The following CAPN15 variants were observed in gnomAD, a reference collection of about 807,000 sequenced individuals.
The protein encoded by CAPN15 is calpain 15, also known as calpain-15.
A neutral mutation model predicts 97.9 loss-of-function variants in CAPN15; 53 were observed. The ratio of observed to expected loss-of-function variants is 0.54; its 90% CI spans 0.43 to 0.68. CAPN15 has a LOEUF of 0.68. Among genes scored for constraint, CAPN15 ranks in the 30% least tolerant of loss-of-function variants. The pLI is 0.00. For synonymous variants in CAPN15, 922 were observed against 722.5 expected (o/e 1.28, Z -4.43); for missense variants, 1,592 against 1,589.8 (o/e 1.00, Z -0.02).
At position 546,996 on chromosome 16, in the gene CAPN15, G is replaced by A; in HGVS notation, c.158G>A (p.Cys53Tyr). Residue 53 changes from cysteine (C) to tyrosine (Y), a missense_variant, in exon 4 of 14, where the codon TGC (cysteine) becomes TAC (tyrosine). Physicochemically the swap from Cys to Tyr is radical, Grantham distance 194 (BLOSUM62 -2). Transcript: ENST00000219611. ...VEEQKWPCAR[C>Y]TFRNFLGKEA... The stretch of plus-strand genomic sequence containing the variant: ...GAGCAGAAATGGCCCTGCGCCCGCT[G>A]CACCTTCCGCAACTTCCTGGGCAAG... 1 of 1,610,040 alleles carries A rather than the reference G, an allele frequency of 6.2e-7. No homozygotes were observed.
Position 553,576 on chromosome 16 carries a change from A to C in CAPN15, c.*60A>C. On this transcript the variant is annotated 3_prime_UTR_variant, in exon 14 of 14. Coordinates refer to ENST00000219611, the MANE Select transcript of CAPN15 (RefSeq NM_005632.3). ...GACCCCCCACCCCCACACGCACTTTATGAGGGAGACCCCGACAGAGGACGC... is the reference window on the plus strand; with the variant it reads ...GACCCCCCACCCCCACACGCACTTTCTGAGGGAGACCCCGACAGAGGACGC... 1.9e-6 allele frequency: 2 copies of C among 1,035,550 alleles called. No homozygotes were observed. Among genetic ancestry groups the C allele is most frequent in the Non-Finnish European group, 2.8e-6 (2 of 719,086 alleles). The allele number at this position is 1,035,550 out of a possible 1,614,324, so 64.1% of individuals were successfully genotyped here.
chr16:548,990 C>T lies in CAPN15; in HGVS notation c.1450-3C>T, dbSNP rs2034802422. 6.2e-7 allele frequency: 1 copy of T among 1,612,458 alleles called. No individual in the cohort carries two copies. The highest frequency in any genetic ancestry group is 8.5e-7 in the Non-Finnish European group (1 of 1,179,866). On this transcript the variant is annotated splice_polypyrimidine_tract_variant and splice_region_variant and intron_variant, in intron 4 of 13. Coordinates refer to ENST00000219611, the MANE Select transcript of CAPN15 (RefSeq NM_005632.3). ...CCTGAGCACATGGCCGTGGTCTCTG[C>T]AGAACAATGTGAGCTTCGTGGATGA...
At chr16:528,155 C>G (rs960301108) in intron 1 of CAPN15, 126 bp downstream of exon 1, 24 of 150,656 alleles carry the variant, frequency 1.6e-4, no homozygotes, top group African/African-American at 2.4e-5. Flanking sequence ...GCCGGGCGCG[C>G]CGGGCTCCGA....
intron 13 of CAPN15, 49 bp downstream of exon 13, chr16:553,090 C>G: frequency 8.9e-7 from 1 of 1,125,748 alleles, no homozygotes; most frequent in Non-Finnish European, 1.2e-6. Context: ...GCCCCCTCCC[C>G]TACCCCGCTG....
intron 3 of CAPN15, among the ~76,000 whole-genome samples, chr16:546,202 CTT>C (rs1222828773): frequency 2.6e-5 from 4 of 152,388 alleles, no homozygotes; most frequent in Admixed American, 6.5e-5. Flanking sequence ...CTCGCGGAGA[CTT>C]TTTGTTTTTG....
intron 3 of CAPN15, chr16:537,044 C>T (rs748012002): frequency 2.7e-5 from 18 of 672,412 alleles, no homozygotes; most frequent in Non-Finnish European, 3.1e-5. Flanking sequence ...CTCTGGAGAT[C>T]CCCTGGCGTG....
chr16:531,019 G>A (rs1231894665), intron 1 of CAPN15, among the ~76,000 whole-genome samples: 1 of 152,180 alleles, frequency 6.6e-6, no homozygotes, highest in East Asian at 1.9e-4. Flanking sequence ...TGCCATCCCC[G>A]CCTCCCTGGC....
rs1204325025 is a variant in CAPN15 at position 554,007 on chromosome 16, CTGGTG to C, written c.*495_*499del. 5.6e-6 allele frequency: 1 copy of C among 179,604 alleles called. No individual in the cohort carries two copies. Among genetic ancestry groups the C allele is most frequent in the Non-Finnish European group, 1.2e-5 (1 of 86,202 alleles). 11.1% of individuals were successfully genotyped at this position (179,604 alleles called of 1,614,324 possible). ...CAGGGCAGGCGGGGTCCCTGGAGCC[CTGGTG>C]TGGAGCGGCGAGTCCCGGGGCGGTG... On this transcript the variant is annotated 3_prime_UTR_variant, in exon 14 of 14. Transcript: ENST00000219611.
chr16:544,438 G>A (rs972097472), intron 3 of CAPN15, among the ~76,000 whole-genome samples: 12 of 152,190 alleles, frequency 7.9e-5, no homozygotes, highest in African/African-American at 2.2e-4. Flanking sequence ...GAAAGGGGCC[G>A]CCTCCCAGGA....
In CAPN15 at chr16:529,082, C is replaced by T. The variant is rs1272008413; in HGVS notation, c.-190+1053C>T. On this transcript the variant is annotated intron_variant, in intron 1 of 13. Coordinates refer to ENST00000219611, the MANE Select transcript of CAPN15 (RefSeq NM_005632.3). ...CTGCAGGAAACCAGCTTGGCCTGGCCTTGGGTTGGGTGTGCCTTGCCTCCT... is the reference window on the plus strand; with the variant it reads ...CTGCAGGAAACCAGCTTGGCCTGGCTTTGGGTTGGGTGTGCCTTGCCTCCT... Among the ~76,000 whole-genome samples, 4 of 152,240 alleles carry T rather than the reference C, an allele frequency of 2.6e-5. No individual in the cohort carries two copies. In the East Asian group the frequency reaches 7.7e-4, roughly 29 times the overall value.
Position 553,778 on chromosome 16 carries a change from T to A in CAPN15, c.*262T>A. 5 of 349,480 alleles carry A rather than the reference T, an allele frequency of 1.4e-5. No individual in the cohort carries two copies. Among genetic ancestry groups the A allele is most frequent in the Non-Finnish European group, 1.6e-5 (3 of 192,284 alleles). The allele number at this position is 349,480 out of a possible 1,614,324, so 21.6% of individuals were successfully genotyped here. ...GGGCTGTGAACCAGCCCCGCTCACC[T>A]GCCAGCCCCAACACCCGACGGGGGC... On this transcript the variant is annotated 3_prime_UTR_variant, in exon 14 of 14. Coordinates refer to ENST00000219611, the MANE Select transcript of CAPN15 (RefSeq NM_005632.3).
Position 549,288 on chromosome 16 carries a change from G to T in CAPN15, c.1659G>T (p.Trp553Cys). ...DILQGLLGNC[W>C]FLSALAVLAE... ...GAGGTCACCCTGAGGCTCTGCGCAG[G>T]TTCCTGAGCGCCCTGGCGGTGCTGG... Residue 553 changes from tryptophan (W) to cysteine (C), a missense_variant and splice_region_variant, in exon 6 of 14, where the codon TGG (tryptophan) becomes TGT (cysteine). Trp to Cys is a radical substitution (Grantham distance 215, BLOSUM62 -2). Coordinates refer to ENST00000219611, the MANE Select transcript of CAPN15 (RefSeq NM_005632.3). The T allele has an allele frequency of 4.4e-6, 7 of 1,584,252 alleles. No individual in the cohort carries two copies. The highest frequency in any genetic ancestry group is 6.0e-6 in the Non-Finnish European group (7 of 1,172,164).
At position 552,738 on chromosome 16, in the gene CAPN15, CCTG is replaced by C; in HGVS notation, c.2874_2876del (p.Leu959del). On this transcript the variant is annotated inframe_deletion, in exon 12 of 14. Coordinates refer to ENST00000219611, the MANE Select transcript of CAPN15 (RefSeq NM_005632.3). The surrounding 1 kb of genome is among the most constrained non-coding windows in gnomAD (Gnocchi z 6.4). Reference sequence around the variant, plus strand: ...CGACCACGCTGGCCGACGCCATCATCCTGCTCACCGAGAGCCGCGGAGAGCGGC... The same window carrying C: ...CGACCACGCTGGCCGACGCCATCATCCTCACCGAGAGCCGCGGAGAGCGGC... 1 of 1,544,400 alleles carries C rather than the reference CCTG, an allele frequency of 6.5e-7. No homozygotes were observed. The highest frequency in any genetic ancestry group is 8.7e-7 in the Non-Finnish European group (1 of 1,145,434).
intron 9 of CAPN15, 179 bp downstream of exon 9, chr16:551,843 C>A: frequency 1.0e-6 from 1 of 979,548 alleles, no homozygotes; most frequent in Non-Finnish European, 1.6e-6. Context: ...CCACCCAGGT[C>A]AGCAGATTCC....
Position 547,166 on chromosome 16 carries a change from A to C in CAPN15, c.328A>C (p.Thr110Pro). The change falls in exon 4 of 14, where the codon ACT becomes CCT. Residue 110 changes from threonine to proline, a missense_variant. This residue lies in a region of CAPN15 where 883 missense variants were observed against 776.6 expected (regional missense o/e 1.14). Coordinates refer to ENST00000219611, the MANE Select transcript of CAPN15 (RefSeq NM_005632.3). ...CCAGGAGGAAGCAGGTCCAGTGAGGACTGCGGGGCTGGTGGCCACGGAGCC... is the reference window on the plus strand; with the variant it reads ...CCAGGAGGAAGCAGGTCCAGTGAGGCCTGCGGGGCTGGTGGCCACGGAGCC... ...SCQEEAGPVR[T>P]AGLVATEPAR... 2 of 1,542,900 alleles carry C rather than the reference A, an allele frequency of 1.3e-6. No homozygotes were observed. The highest frequency in any genetic ancestry group is 1.7e-6 in the Non-Finnish European group (2 of 1,148,552).
Position 549,857 on chromosome 16 carries a change from C to A in CAPN15, c.2066+19C>A. On this transcript the variant is annotated intron_variant, in intron 7 of 13. Transcript: ENST00000219611. ...AGGCTGGGTAAGAGGAGGGGCACTGCGTGGTCAGCCGCGTTGGGAGGAGAG... is the reference window on the plus strand; with the variant it reads ...AGGCTGGGTAAGAGGAGGGGCACTGAGTGGTCAGCCGCGTTGGGAGGAGAG... The A allele has an allele frequency of 6.5e-7, 1 of 1,535,356 alleles. No individual in the cohort carries two copies. Among genetic ancestry groups the A allele is most frequent in the Non-Finnish European group, 8.9e-7 (1 of 1,129,700 alleles).
At chr16:546,515 G>A (rs2034594770) in intron 3 of CAPN15, among the ~76,000 whole-genome samples, 1 of 152,356 alleles carries the variant, frequency 6.6e-6, no homozygotes, top group South Asian at 2.1e-4. Context: ...CACAGGCCTG[G>A]TGACAGAGAA....
At position 546,829 on chromosome 16, in the gene CAPN15, G is replaced by A. The variant is rs202081661; in HGVS notation, c.-10G>A. 3.2e-4 allele frequency: 511 copies of A among 1,590,786 alleles called. 3 individuals are homozygous for A. Among genetic ancestry groups the A allele is most frequent in the Admixed American group, 3.4e-4 (20 of 58,808 alleles). Reference sequence around the variant, plus strand: ...CCTTCCCTTGCAGCCACACCCACTCGCCCGGGTCTATGGCCACGGTCGGAG... The same window carrying A: ...CCTTCCCTTGCAGCCACACCCACTCACCCGGGTCTATGGCCACGGTCGGAG... On this transcript the variant is annotated 5_prime_UTR_variant, in exon 4 of 14. Coordinates refer to ENST00000219611, the MANE Select transcript of CAPN15 (RefSeq NM_005632.3).
At chr16:548,661 A>G (rs115924928) in intron 4 of CAPN15, among the ~76,000 whole-genome samples, 5,056 of 152,332 alleles carry the variant, frequency 0.033, 135 homozygotes, top group African/African-American at 0.072. Context: ...AGAGTCCAGG[A>G]TGGCATCACC....
Sources: allele counts gnomAD v4.1 joint callset (sites outside exome capture counted in the v4.1 genomes callset), GRCh38; gene constraint gnomAD v4.1.1; regional missense constraint gnomAD v4.1.1; non-coding constraint Gnocchi (gnomAD v3.1); transcripts MANE v1.5; gene names NCBI Gene and HGNC (gene_info 2026-07-23, HGNC 2026-07-21).